The following SOCS2 variants were observed in gnomAD, a reference collection of about 807,000 sequenced individuals.
The protein encoded by SOCS2 is CIS-2.
A neutral mutation model predicts 18.6 loss-of-function variants in SOCS2; 10 were observed. That is an observed-to-expected ratio of 0.54 (90% CI 0.33 to 0.91). The LOEUF (loss-of-function observed/expected upper bound fraction) is 0.91. SOCS2 is among the 40% of genes least tolerant of loss of function. The pLI, the probability that SOCS2 is intolerant of heterozygous loss-of-function variation, is 0.02. For missense variants in SOCS2, 231 were observed against 247.2 expected, an observed-to-expected ratio of 0.93 and a Z score of 0.44; for synonymous variants, 104 against 104.0, an observed-to-expected ratio of 1.00 and a Z score of 0.00.
chr12:93,624,058 G>A, the SOCS2 span, among the ~76,000 whole-genome samples: 11 of 152,126 alleles, frequency 7.2e-5, no homozygotes, highest in Admixed American at 7.2e-4. Flanking sequence ...GTCTTTAGGA[G>A]GTAATTAAGT....
the SOCS2 span, among the ~76,000 whole-genome samples, chr12:93,593,789 A>AAAAC: frequency 6.6e-6 from 1 of 152,220 alleles, no homozygotes; most frequent in Admixed American, 6.5e-5. Context: ...AGCAAAAAGG[A>AAAAC]AAACAAACAA....
At chr12:93,589,091 A>G in the SOCS2 span, among the ~76,000 whole-genome samples, 2 of 152,216 alleles carry the variant, frequency 1.3e-5, no homozygotes, top group Non-Finnish European at 2.9e-5. Flanking sequence ...GGTTTAAAAC[A>G]CGGAAAACAT....
At chr12:93,588,099 C>A (rs1045307709), downstream of SOCS2, among the ~76,000 whole-genome samples, 1 of 152,138 alleles carries the variant, frequency 6.6e-6, no homozygotes, top group South Asian at 2.1e-4. Context: ...TGGAAAAAAG[C>A]GTTATACTGT....
chr12:93,590,260 C>T, the SOCS2 span, among the ~76,000 whole-genome samples: 1 of 151,854 alleles, frequency 6.6e-6, no homozygotes, highest in Admixed American at 6.6e-5. Context: ...TAAGCAAGTA[C>T]TGTATTTGGA....
chr12:93,580,607 T>G, downstream of SOCS2, among the ~76,000 whole-genome samples: 1 of 113,486 alleles, frequency 8.8e-6, no homozygotes, highest in African/African-American at 3.7e-5. Flanking sequence ...GGCAACAGAG[T>G]GAGACTGTCT....
the SOCS2 span, among the ~76,000 whole-genome samples, chr12:93,608,861 G>A: frequency 6.6e-6 from 1 of 152,136 alleles, no homozygotes; most frequent in Non-Finnish European, 1.5e-5. Context: ...AAAATACTCA[G>A]CTTAATTGGT....
downstream of SOCS2, among the ~76,000 whole-genome samples, chr12:93,578,682 G>C (rs987839806): frequency 6.8e-6 from 1 of 146,560 alleles, no homozygotes. Flanking sequence ...TTGCATGCTC[G>C]CACACACACA....
chr12:93,598,002 G>A, the SOCS2 span, among the ~76,000 whole-genome samples: 1 of 152,180 alleles, frequency 6.6e-6, no homozygotes, highest in Admixed American at 6.5e-5. Flanking sequence ...GAATATGGTA[G>A]TGAACAAGGC....
the SOCS2 span, among the ~76,000 whole-genome samples, chr12:93,588,646 G>A: frequency 0.012 from 1,823 of 149,874 alleles, 19 homozygotes; most frequent in African/African-American, 0.041. Flanking sequence ...CCAGAGTCTC[G>A]CTCTGTTGCC....
At chr12:93,585,966 T>C (rs1397964437), downstream of SOCS2, among the ~76,000 whole-genome samples, 2 of 152,256 alleles carry the variant, frequency 1.3e-5, no homozygotes, top group Non-Finnish European at 2.9e-5. Flanking sequence ...CTGATACATG[T>C]AAATACTATG....
At chr12:93,581,632 T>G (rs1476705418), downstream of SOCS2, among the ~76,000 whole-genome samples, 1 of 152,198 alleles carries the variant, frequency 6.6e-6, no homozygotes, top group Non-Finnish European at 1.5e-5. Flanking sequence ...TCTTTTTTCC[T>G]TCTAGCTTCG....
At chr12:93,623,563 C>A in the SOCS2 span, among the ~76,000 whole-genome samples, 5 of 152,226 alleles carry the variant, frequency 3.3e-5, no homozygotes, top group East Asian at 9.7e-4. Context: ...CGGACTTACA[C>A]AAGCACCAAC....
chr12:93,611,060 T>C, the SOCS2 span, among the ~76,000 whole-genome samples: 1 of 152,216 alleles, frequency 6.6e-6, no homozygotes, highest in African/African-American at 2.4e-5. Flanking sequence ...TTATAAATCT[T>C]CAAGGAGGTG....
At chr12:93,616,414 A>T in the SOCS2 span, among the ~76,000 whole-genome samples, 1 of 152,216 alleles carries the variant, frequency 6.6e-6, no homozygotes, top group African/African-American at 2.4e-5. Context: ...TGATACAACC[A>T]TGCCTGACCT....
At chr12:93,578,931 C>T (rs1954501712), downstream of SOCS2, among the ~76,000 whole-genome samples, 1 of 152,190 alleles carries the variant, frequency 6.6e-6, no homozygotes, top group African/African-American at 2.4e-5. Flanking sequence ...GGGATAATTA[C>T]AGTTCTTGGC....
rs541189252 is a variant in SOCS2 at position 93,576,519 on chromosome 12, C to A, written c.*1340C>A. 1.3e-5 allele frequency: 2 copies of A among 152,316 alleles called. No individual in the cohort carries two copies. The highest frequency in any genetic ancestry group is 2.1e-4 in the South Asian group (1 of 4,826). 9.4% of individuals were successfully genotyped at this position (152,316 alleles called of 1,614,324 possible). A position where few individuals can be genotyped will look rare whatever the true frequency, so the allele number is the denominator to read the frequency against. On this transcript the variant is annotated 3_prime_UTR_variant, in exon 2 of 2. Transcript: ENST00000551556. ...GCCAGTCTTTTACAAGTTGAGTAGG[C>A]ATAATACTAAAGAAAAATACAAAGT...
chr12:93,586,176 C>G (rs148412489), downstream of SOCS2, among the ~76,000 whole-genome samples: 3 of 152,224 alleles, frequency 2.0e-5, no homozygotes, highest in East Asian at 5.8e-4. Context: ...TCTGAATGAC[C>G]GGAAGTTCTT....
the SOCS2 span, among the ~76,000 whole-genome samples, chr12:93,593,971 A>G: frequency 6.6e-6 from 1 of 152,236 alleles, no homozygotes; most frequent in Admixed American, 6.5e-5. Flanking sequence ...TTAATTTCAA[A>G]TCAGTGTTTC....
At chr12:93,614,210 C>T in the SOCS2 span, among the ~76,000 whole-genome samples, 39 of 152,216 alleles carry the variant, frequency 2.6e-4, no homozygotes, top group Admixed American at 3.3e-4. Flanking sequence ...TCTTATTTCT[C>T]ATCTGCCTAA....
Sources: allele counts gnomAD v4.1 joint callset (sites outside exome capture counted in the v4.1 genomes callset), GRCh38; gene constraint gnomAD v4.1.1; transcripts MANE v1.5; gene names NCBI Gene and HGNC (gene_info 2026-07-23, HGNC 2026-07-21).